The following VGLL4 variants were observed in gnomAD, a reference collection of about 807,000 sequenced individuals.
The protein encoded by VGLL4 is transcription cofactor vestigial-like protein 4.
Under a neutral mutation model 21.0 loss-of-function variants are expected in VGLL4, and 7 were observed. The observed-to-expected ratio is 0.33, with a 90% CI of 0.19 to 0.63. VGLL4 has a LOEUF of 0.63. Among genes scored for constraint, VGLL4 ranks in the 20% least tolerant of loss-of-function variants. The pLI, the probability that VGLL4 is intolerant of heterozygous loss-of-function variation, is 0.78. For synonymous variants in VGLL4, 222 were observed against 173.2 expected (o/e 1.28, Z -2.21); for missense variants, 394 against 425.7 (o/e 0.93, Z 0.66).
intron 1 of VGLL4, among the ~76,000 whole-genome samples, chr3:11,713,210 G>T (rs150240150): frequency 1.3e-5 from 2 of 152,284 alleles, no homozygotes; most frequent in East Asian, 3.9e-4. Context: ...TTTCACCTTG[G>T]TGCTCGAACT....
chr3:11,699,140 G>C (rs1272433977), intron 2 of VGLL4, among the ~76,000 whole-genome samples: 2 of 152,132 alleles, frequency 1.3e-5, no homozygotes, highest in Non-Finnish European at 2.9e-5. Flanking sequence ...ATTAATGTAG[G>C]GCAGAGAAAG....
intron 2 of VGLL4, among the ~76,000 whole-genome samples, chr3:11,694,070 T>G (rs1356568766): frequency 6.6e-6 from 1 of 152,184 alleles, no homozygotes; most frequent in Non-Finnish European, 1.5e-5. Flanking sequence ...CTCAGTTTCC[T>G]TATCTATAAA....
intron 1 of VGLL4, among the ~76,000 whole-genome samples, chr3:11,639,569 TGAG>T (rs1195707932): frequency 6.6e-6 from 1 of 152,174 alleles, no homozygotes; most frequent in Non-Finnish European, 1.5e-5. Flanking sequence ...ACGGAGCTAA[TGAG>T]GAGATAAGAC....
chr3:11,568,676 T>C lies in VGLL4; in HGVS notation c.273-3657A>G. On this transcript the variant is annotated intron_variant, in intron 2 of 4. Coordinates refer to ENST00000430365, the MANE Select transcript of VGLL4 (RefSeq NM_001128219.3). This position sits in a 1 kb window ranked among gnomAD's most constrained non-coding sequence, Gnocchi z 5.9. Reference sequence around the variant, plus strand: ...GTTTTCCAGGCCCCGCTCGCCCGGATGAATCACCTCCCGGCCACTGCTTCC... The same window carrying C: ...GTTTTCCAGGCCCCGCTCGCCCGGACGAATCACCTCCCGGCCACTGCTTCC... 5.1e-6 allele frequency: 8 copies of C among 1,554,902 alleles called. No homozygotes were observed. Among genetic ancestry groups the C allele is most frequent in the Non-Finnish European group, 6.1e-6 (7 of 1,148,516 alleles).
At chr3:11,644,026 A>C, upstream of VGLL4, 1 of 977,544 alleles carries the variant, frequency 1.0e-6, no homozygotes, top group Non-Finnish European at 1.2e-6. Context: ...CAGCCTCTCA[A>C]TGTAGCAAGT....
intron 3 of VGLL4, among the ~76,000 whole-genome samples, chr3:11,559,735 T>A (rs889100478): frequency 2.0e-5 from 3 of 152,108 alleles, no homozygotes. Flanking sequence ...TCCCCATCTC[T>A]CAAATCTGTT....
At chr3:11,622,442 C>G (rs547561330) in intron 1 of VGLL4, among the ~76,000 whole-genome samples, 1 of 152,090 alleles carries the variant, frequency 6.6e-6, no homozygotes, top group African/African-American at 2.4e-5. Context: ...CATACTATTA[C>G]TAGATGGCAG....
intron 2 of VGLL4, among the ~76,000 whole-genome samples, chr3:11,683,434 A>G (rs1158351019): frequency 6.6e-6 from 1 of 152,206 alleles, no homozygotes; most frequent in Non-Finnish European, 1.5e-5. Context: ...ACTACTGGGT[A>G]TCTACCAAAA....
At chr3:11,580,042 AC>A (rs1479908682) in intron 2 of VGLL4, among the ~76,000 whole-genome samples, 2 of 152,214 alleles carry the variant, frequency 1.3e-5, no homozygotes, top group Non-Finnish European at 2.9e-5. Flanking sequence ...ATGGTAAAGT[AC>A]TACATACATA....
intron 2 of VGLL4, among the ~76,000 whole-genome samples, chr3:11,658,421 T>C (rs112420402): frequency 0.019 from 2,843 of 151,986 alleles, 126 homozygotes; most frequent in African/African-American, 0.062. Flanking sequence ...AAAGGAAAGG[T>C]ACACCAACAT....
intron 1 of VGLL4, among the ~76,000 whole-genome samples, chr3:11,605,774 G>A (rs1324635427): frequency 6.6e-6 from 1 of 152,222 alleles, no homozygotes; most frequent in Non-Finnish European, 1.5e-5. Flanking sequence ...ATGAGGCAAG[G>A]TGACAGGGTG....
At chr3:11,567,168 C>T (rs1330536181) in intron 2 of VGLL4, among the ~76,000 whole-genome samples, 2 of 152,136 alleles carry the variant, frequency 1.3e-5, no homozygotes, top group African/African-American at 4.8e-5. Context: ...TGACCCGAGG[C>T]GTTCCGAGCC....
intron 2 of VGLL4, among the ~76,000 whole-genome samples, chr3:11,655,923 T>C (rs911506188): frequency 6.6e-6 from 1 of 152,206 alleles, no homozygotes; most frequent in African/African-American, 2.4e-5. Context: ...AGCCTGACAC[T>C]GGTGGGTGAC....
At chr3:11,561,022 C>T (rs559936575) in intron 3 of VGLL4, among the ~76,000 whole-genome samples, 4 of 152,104 alleles carry the variant, frequency 2.6e-5, no homozygotes, top group South Asian at 2.1e-4. Flanking sequence ...GACCTGGACA[C>T]GCACAGAGCC....
intron 2 of VGLL4, among the ~76,000 whole-genome samples, chr3:11,598,408 T>C (rs1034597644): frequency 6.6e-5 from 10 of 152,174 alleles, no homozygotes; most frequent in Non-Finnish European, 1.5e-4. Context: ...ATGCTTATAA[T>C]AAAATGCAGC....
At chr3:11,660,118 C>T (rs1445264808) in intron 2 of VGLL4, among the ~76,000 whole-genome samples, 8 of 151,136 alleles carry the variant, frequency 5.3e-5, no homozygotes, top group Non-Finnish European at 1.2e-4. Context: ...GTGGAGATCG[C>T]GCCACTGCAC....
Position 11,568,740 on chromosome 3 carries a change from C to T in VGLL4, c.273-3721G>A, listed in dbSNP as rs867959320. 22 of 1,529,782 alleles carry T rather than the reference C, an allele frequency of 1.4e-5. No individual in the cohort carries two copies. The highest frequency in any genetic ancestry group is 2.3e-4 in the Middle Eastern group (1 of 4,406). 94.8% of individuals were successfully genotyped at this position (1,529,782 alleles called of 1,614,324 possible). On this transcript the variant is annotated intron_variant, in intron 2 of 4. Transcript: ENST00000430365. The surrounding 1 kb of genome is among the most constrained non-coding windows in gnomAD (Gnocchi z 5.9). ...CTCCCGGGGACGGCAGAAAACCGCA[C>T]GCATCCTGCCCGGGAGATGGAAGTC...
At chr3:11,628,179 G>C (rs1051680432) in intron 1 of VGLL4, among the ~76,000 whole-genome samples, 1 of 151,742 alleles carries the variant, frequency 6.6e-6, no homozygotes, top group Non-Finnish European at 1.5e-5. Context: ...ACCTGAGTTC[G>C]GGAATTCGAG....
chr3:11,664,928 T>C (rs2076094266), intron 2 of VGLL4, among the ~76,000 whole-genome samples: 1 of 151,442 alleles, frequency 6.6e-6, no homozygotes, highest in Non-Finnish European at 1.5e-5. Flanking sequence ...AATTTTCTTT[T>C]CTCTATTTTT....
Sources: allele counts gnomAD v4.1 joint callset (sites outside exome capture counted in the v4.1 genomes callset), GRCh38; gene constraint gnomAD v4.1.1; non-coding constraint Gnocchi (gnomAD v3.1); transcripts MANE v1.5; gene names NCBI Gene and HGNC (gene_info 2026-07-23, HGNC 2026-07-21).